PHF21B: variants seen among roughly 807,000 people sequenced by gnomAD.
The protein encoded by PHF21B is PHD finger protein 21B.
In PHF21B, 22 loss-of-function variants were observed where a neutral mutation model predicts 62.2. That is an observed-to-expected ratio of 0.35 (90% CI 0.25 to 0.51). PHF21B has a LOEUF of 0.51. Among genes scored for constraint, PHF21B ranks in the 20% least tolerant of loss-of-function variants. The pLI is 0.97. For missense variants in PHF21B, 701 were observed against 707.9 expected (o/e 0.99, Z 0.11); for synonymous variants, 341 against 314.7 (o/e 1.08, Z -0.88).
chr22:44,941,687 G>A (rs1197018958), intron 2 of PHF21B, among the ~76,000 whole-genome samples: 2 of 152,208 alleles, frequency 1.3e-5, no homozygotes, highest in Non-Finnish European at 2.9e-5. Flanking sequence ...CTGCCTCGAT[G>A]TGGGCTCGGG....
chr22:44,946,684 G>A (rs1255486696), intron 2 of PHF21B, among the ~76,000 whole-genome samples: 2 of 152,122 alleles, frequency 1.3e-5, no homozygotes, highest in Non-Finnish European at 2.9e-5. Flanking sequence ...CCACCTTCCT[G>A]CAGAAGACTC....
intron 5 of PHF21B, among the ~76,000 whole-genome samples, chr22:44,899,285 CTTTT>C (rs71188499): frequency 4.3e-4 from 42 of 97,556 alleles, no homozygotes; most frequent in African/African-American, 6.9e-4. Context: ...TGTTCTTATT[CTTTT>C]TTTTTTTTTT....
rs2073110620 is a variant in PHF21B, at chr22:44,995,789, C to T, written c.120+12756G>A. Among the ~76,000 whole-genome samples, 7 of 148,414 alleles carry T rather than the reference C, an allele frequency of 4.7e-5. No homozygotes were observed. The South Asian group carries it at 1.1e-3, about 23-fold the overall frequency. On this transcript the variant is annotated intron_variant, in intron 2 of 12. Coordinates refer to ENST00000313237, the MANE Select transcript of PHF21B (RefSeq NM_138415.5). The stretch of plus-strand genomic sequence containing the variant: ...GGAGGAAATTACTAGATGACCCCCC[C>T]GCCCCCCACCTCCACCCCCCCATCC...
At chr22:44,983,547 G>A (rs556585089) in intron 2 of PHF21B, among the ~76,000 whole-genome samples, 4 of 152,306 alleles carry the variant, frequency 2.6e-5, no homozygotes, top group South Asian at 2.1e-4. Flanking sequence ...GCCCTGGGCC[G>A]TCGCAAACAC....
At chr22:44,943,496 C>A (rs2072002111) in intron 2 of PHF21B, among the ~76,000 whole-genome samples, 1 of 152,134 alleles carries the variant, frequency 6.6e-6, no homozygotes, top group Non-Finnish European at 1.5e-5. Context: ...TGGGGGCGGC[C>A]CGATCTCCAG....
chr22:44,911,806 T>C (rs1008674578), intron 5 of PHF21B, among the ~76,000 whole-genome samples: 11 of 152,206 alleles, frequency 7.2e-5, no homozygotes, highest in East Asian at 1.9e-4. Context: ...AGTGGAGCTA[T>C]GAGAAGAGGG....
chr22:44,991,044 T>A (rs577419636), intron 2 of PHF21B, among the ~76,000 whole-genome samples: 1 of 152,294 alleles, frequency 6.6e-6, no homozygotes, highest in East Asian at 1.9e-4. Flanking sequence ...CCTGCCCACC[T>A]TCCAGGGCTG....
intron 2 of PHF21B, among the ~76,000 whole-genome samples, chr22:44,938,076 CTATGTATTT>C (rs2071884722): frequency 6.6e-6 from 1 of 152,222 alleles, no homozygotes; most frequent in Admixed American, 6.5e-5. Flanking sequence ...TTTTAAAAAT[CTATGTATTT>C]TATTTTTGAG....
At chr22:44,949,832 G>A (rs945645362) in intron 2 of PHF21B, among the ~76,000 whole-genome samples, 2 of 150,650 alleles carry the variant, frequency 1.3e-5, no homozygotes, top group Non-Finnish European at 3.0e-5. Context: ...CCTGCAAAAC[G>A]TTCTTAAGTT....
Position 44,931,035 on chromosome 22 carries a change from C to T in PHF21B, c.121-10545G>A, listed in dbSNP as rs546264233. Among the ~76,000 whole-genome samples, 3 of 152,332 alleles carry T rather than the reference C, an allele frequency of 2.0e-5. No individual in the cohort carries two copies. In the East Asian group the frequency reaches 5.8e-4, roughly 29 times the overall value. ...AACCCTCTTCCAAAGCCAGCTTCAG[C>T]AAGCCCCACAAGGAGTCATTTTCTT... On this transcript the variant is annotated intron_variant, in intron 2 of 12. Coordinates refer to ENST00000313237, the MANE Select transcript of PHF21B (RefSeq NM_138415.5).
At position 44,888,258 on chromosome 22, in the gene PHF21B, C is replaced by T. The variant is rs892895065; in HGVS notation, c.1039-137G>A. 2.5e-5 allele frequency: 27 copies of T among 1,074,394 alleles called. No homozygotes were observed. The East Asian group carries it at 2.7e-4, about 11-fold the overall frequency. The allele number at this position is 1,074,394 out of a possible 1,614,324, so 66.6% of individuals were successfully genotyped here. A position where few individuals can be genotyped will look rare whatever the true frequency, so the allele number is the denominator to read the frequency against. ...CTGCCAACGTTTCCCAGCAGCTCTA[C>T]GGAGAGAGAGGGATAAACCCTGGAG... On this transcript the variant is annotated intron_variant, in intron 9 of 12. Coordinates refer to ENST00000313237, the MANE Select transcript of PHF21B (RefSeq NM_138415.5).
chr22:44,952,253 G>C (rs2072208606), intron 2 of PHF21B, among the ~76,000 whole-genome samples: 1 of 152,224 alleles, frequency 6.6e-6, no homozygotes. Flanking sequence ...TGAGGCAGGA[G>C]AATCGCTTGA....
intron 2 of PHF21B, chr22:44,989,064 G>A (rs1433151621): frequency 2.0e-5 from 3 of 152,170 alleles, no homozygotes. Context: ...ATCTCGGGGT[G>A]AGGTTTCAAG....
At chr22:44,996,209 C>T (rs1387619329) in intron 2 of PHF21B, among the ~76,000 whole-genome samples, 1 of 152,180 alleles carries the variant, frequency 6.6e-6, no homozygotes, top group Non-Finnish European at 1.5e-5. Context: ...CCCACAGCTT[C>T]GGTGTCTGCC....
In PHF21B at chr22:44,898,734, C is replaced by T. The variant is rs969556120; in HGVS notation, c.832-2651G>A. On this transcript the variant is annotated intron_variant, in intron 5 of 12. Coordinates refer to ENST00000313237, the MANE Select transcript of PHF21B (RefSeq NM_138415.5). ...ATTGTTTGGATCCTGGCTAGAGGAGCTGAGGTAATAAAATAATTTTAGTCT... is the reference window on the plus strand; with the variant it reads ...ATTGTTTGGATCCTGGCTAGAGGAGTTGAGGTAATAAAATAATTTTAGTCT... Among the ~76,000 whole-genome samples, 6 of 152,270 alleles carry T rather than the reference C, an allele frequency of 3.9e-5. No individual in the cohort carries two copies. The South Asian group carries it at 8.3e-4, about 21-fold the overall frequency.
rs763330672 is a variant in PHF21B at position 44,920,467 on chromosome 22, C to A, written c.144G>T (p.Val48=). 6.2e-7 allele frequency: 1 copy of A among 1,612,536 alleles called. No homozygotes were observed. Among genetic ancestry groups the A allele is most frequent in the Non-Finnish European group, 8.5e-7 (1 of 1,179,140 alleles). ...DKQALGTITA[V]PVTGPQVSSL... Reference sequence around the variant, plus strand: ...AGCTGACCTGAGGACCCGTGACAGGCACTGCAGTGATCGTTCCCAAAGCCT... The same window carrying A: ...AGCTGACCTGAGGACCCGTGACAGGAACTGCAGTGATCGTTCCCAAAGCCT... Residue 48 remains valine, a synonymous_variant, in exon 3 of 13, where the codon GTG becomes GTT. Coordinates refer to ENST00000313237, the MANE Select transcript of PHF21B (RefSeq NM_138415.5).
At chr22:44,943,968 G>C (rs2072013593) in intron 2 of PHF21B, among the ~76,000 whole-genome samples, 1 of 152,200 alleles carries the variant, frequency 6.6e-6, no homozygotes, top group Non-Finnish European at 1.5e-5. Flanking sequence ...CAGCCCTTTG[G>C]ACTCAACAGT....
At chr22:44,947,998 C>T (rs910349156) in intron 2 of PHF21B, among the ~76,000 whole-genome samples, 1 of 152,110 alleles carries the variant, frequency 6.6e-6, no homozygotes, top group Non-Finnish European at 1.5e-5. Context: ...GTCCCTCCTC[C>T]CCGCTGTTGT....
chr22:44,945,421 C>G lies in PHF21B; in HGVS notation c.121-24931G>C, dbSNP rs2072047597. On this transcript the variant is annotated intron_variant, in intron 2 of 12. Transcript: ENST00000313237. ...GCCGCCCCTAGAAATCTGAGACCCT[C>G]CCATCCTTGGGTGGGAATTGAGAGT... Among the ~76,000 whole-genome samples the G allele has an allele frequency of 2.0e-5, 3 of 152,318 alleles. No individual in the cohort carries two copies. The South Asian group carries it at 6.2e-4, about 32-fold the overall frequency.
Sources: gnomAD v4.1 joint callset for allele counts (sites outside exome capture counted in the v4.1 genomes callset) on GRCh38, gnomAD v4.1.1 for gene constraint, MANE v1.5 for transcripts, NCBI Gene and HGNC (gene_info 2026-07-23, HGNC 2026-07-21) for gene names.